The following SCHIP1 variants were observed in gnomAD, a reference collection of about 807,000 sequenced individuals.
The protein encoded by SCHIP1 is schwannomin interacting protein 1.
In SCHIP1, 8 loss-of-function variants were observed where a neutral mutation model predicts 29.7. The ratio of observed to expected loss-of-function variants is 0.27; its 90% CI spans 0.16 to 0.49. SCHIP1 has a LOEUF of 0.49. Among genes scored for constraint, SCHIP1 ranks in the 20% least tolerant of loss-of-function variants. SCHIP1 has a pLI of 0.99. For missense variants in SCHIP1, 193 were observed against 294.6 expected (o/e 0.66, Z 2.52); for synonymous variants, 76 against 94.9 (o/e 0.80, Z 1.16).
At chr3:159,583,447 A>G in the SCHIP1 span, among the ~76,000 whole-genome samples, 1 of 152,152 alleles carries the variant, frequency 6.6e-6, no homozygotes, top group Non-Finnish European at 1.5e-5. Flanking sequence ...ACGCTCCACT[A>G]TTTATTTTGA....
the SCHIP1 span, among the ~76,000 whole-genome samples, chr3:159,644,273 G>A: frequency 6.6e-6 from 1 of 151,976 alleles, no homozygotes; most frequent in Non-Finnish European, 1.5e-5. Flanking sequence ...TAGCTTTTGG[G>A]TAGTATTGTT....
the SCHIP1 span, among the ~76,000 whole-genome samples, chr3:159,441,698 T>G: frequency 6.6e-6 from 1 of 152,004 alleles, no homozygotes; most frequent in African/African-American, 2.4e-5. Context: ...TGAGGAGTGA[T>G]AGGTGCTACG....
At chr3:159,596,882 G>A in the SCHIP1 span, among the ~76,000 whole-genome samples, 1 of 150,560 alleles carries the variant, frequency 6.6e-6, no homozygotes, top group Non-Finnish European at 1.5e-5. Context: ...CACCAACATG[G>A]CACATGTATA....
chr3:159,312,706 T>C, the SCHIP1 span, among the ~76,000 whole-genome samples: 8 of 152,126 alleles, frequency 5.3e-5, no homozygotes, highest in Non-Finnish European at 8.8e-5. Flanking sequence ...CTGCGTGGAC[T>C]TCAGAGTCTA....
At chr3:159,540,467 T>A in the SCHIP1 span, among the ~76,000 whole-genome samples, 1 of 152,094 alleles carries the variant, frequency 6.6e-6, no homozygotes, top group Non-Finnish European at 1.5e-5. Flanking sequence ...TTTAACCCCA[T>A]ATGAATCTTT....
chr3:159,474,802 G>T, the SCHIP1 span, among the ~76,000 whole-genome samples: 1 of 152,108 alleles, frequency 6.6e-6, no homozygotes, highest in Non-Finnish European at 1.5e-5. Flanking sequence ...ACTAGTCAGA[G>T]ACCTCCAGTG....
At chr3:159,379,009 A>G in the SCHIP1 span, among the ~76,000 whole-genome samples, 1 of 152,212 alleles carries the variant, frequency 6.6e-6, no homozygotes. Context: ...TGATAAAAGC[A>G]CATTAAACCT....
the SCHIP1 span, among the ~76,000 whole-genome samples, chr3:159,698,366 C>G: frequency 3.4e-4 from 52 of 152,222 alleles, no homozygotes; most frequent in African/African-American, 1.2e-3. Flanking sequence ...TTCATTTCAT[C>G]AAAATATCTA....
At chr3:159,567,692 A>G in the SCHIP1 span, among the ~76,000 whole-genome samples, 2 of 152,194 alleles carry the variant, frequency 1.3e-5, no homozygotes, top group African/African-American at 4.8e-5. Flanking sequence ...TAGTCTTGAT[A>G]GCTATGTATA....
chr3:159,504,177 G>A, the SCHIP1 span, among the ~76,000 whole-genome samples: 15 of 152,310 alleles, frequency 9.8e-5, no homozygotes, highest in South Asian at 2.9e-3. Flanking sequence ...AACACAGGCA[G>A]TGAAAAGATG....
At chr3:159,303,522 G>A in the SCHIP1 span, among the ~76,000 whole-genome samples, 1 of 151,516 alleles carries the variant, frequency 6.6e-6, no homozygotes, top group Non-Finnish European at 1.5e-5. Context: ...GAAGAAGGGA[G>A]GGAAGGAGGG....
At chr3:159,350,931 A>T in the SCHIP1 span, among the ~76,000 whole-genome samples, 1 of 151,974 alleles carries the variant, frequency 6.6e-6, no homozygotes, top group Non-Finnish European at 1.5e-5. Flanking sequence ...TTTTTCATTT[A>T]AAAAAAACCA....
the SCHIP1 span, among the ~76,000 whole-genome samples, chr3:159,486,106 T>G: frequency 6.6e-6 from 1 of 152,202 alleles, no homozygotes; most frequent in Non-Finnish European, 1.5e-5. Flanking sequence ...TTAAGCTAAT[T>G]AACACATCCA....
At chr3:159,592,790 G>A in the SCHIP1 span, among the ~76,000 whole-genome samples, 16 of 151,988 alleles carry the variant, frequency 1.1e-4, no homozygotes, top group African/African-American at 1.7e-4. Context: ...ATACACACTC[G>A]ATTAAATGAA....
the SCHIP1 span, among the ~76,000 whole-genome samples, chr3:159,404,105 G>T: frequency 2.0e-5 from 3 of 152,288 alleles, no homozygotes; most frequent in East Asian, 5.8e-4. Flanking sequence ...AAGAGCCCTT[G>T]GGCCCTGAAT....
chr3:159,793,526 C>A, the SCHIP1 span, among the ~76,000 whole-genome samples: 2 of 152,102 alleles, frequency 1.3e-5, no homozygotes, highest in African/African-American at 4.8e-5. Flanking sequence ...TCTTACAGGG[C>A]TAAAATCAGG....
the SCHIP1 span, among the ~76,000 whole-genome samples, chr3:159,561,522 T>C: frequency 6.6e-6 from 1 of 152,200 alleles, no homozygotes; most frequent in East Asian, 1.9e-4. Flanking sequence ...GCTCTTGACC[T>C]TAAAGATATG....
At chr3:159,321,177 C>G in the SCHIP1 span, among the ~76,000 whole-genome samples, 1 of 152,158 alleles carries the variant, frequency 6.6e-6, no homozygotes, top group Admixed American at 6.5e-5. Flanking sequence ...GTCGGCCCGG[C>G]TGGTCTCAAA....
the SCHIP1 span, among the ~76,000 whole-genome samples, chr3:159,459,045 T>A: frequency 1.3e-5 from 2 of 152,170 alleles, no homozygotes; most frequent in Non-Finnish European, 2.9e-5. Context: ...GCATCAAAAA[T>A]TACATGTATA....
Sources: gnomAD v4.1 joint callset for allele counts (sites outside exome capture counted in the v4.1 genomes callset) on GRCh38, gnomAD v4.1.1 for gene constraint, MANE v1.5 for transcripts, NCBI Gene and HGNC (gene_info 2026-07-23, HGNC 2026-07-21) for gene names.